ANAPC1: variants seen among roughly 807,000 people sequenced by gnomAD.
The protein encoded by ANAPC1 is anaphase promoting complex subunit 1, also known as anaphase-promoting complex subunit 1.
In ANAPC1, 36 loss-of-function variants were observed where a neutral mutation model predicts 208.0. The ratio of observed to expected loss-of-function variants is 0.17; its 90% CI spans 0.13 to 0.23. ANAPC1 has a LOEUF of 0.23. Ranked by LOEUF, ANAPC1 falls within the 10% of genes least tolerant of loss-of-function variation. The pLI is 1.00. For synonymous variants in ANAPC1, 378 were observed against 695.2 expected, an observed-to-expected ratio of 0.54 and a Z score of 7.18; for missense variants, 942 against 2,011.6, an observed-to-expected ratio of 0.47 and a Z score of 10.17.
Position 111,880,628 on chromosome 2 carries a change from G to A in ANAPC1, c.198C>T (p.Ile66=), listed in dbSNP as rs199798298. 126 of 1,611,292 alleles carry A rather than the reference G, an allele frequency of 7.8e-5. 1 individual carries two copies. In the South Asian group the frequency reaches 9.8e-4, roughly 13 times the overall value. The change falls in exon 2 of 48, where the codon ATC becomes ATT. Residue 66 remains isoleucine (I), a synonymous_variant. Transcript: ENST00000341068. ...GLVGSLQEVT[I]HEKQKESWQL... ...TCAATGGAACCTTCTGTTTCTCGTGGATTGTAACCTCCTGAAGGGATCCCA... is the reference window on the plus strand; with the variant it reads ...TCAATGGAACCTTCTGTTTCTCGTGAATTGTAACCTCCTGAAGGGATCCCA...
intron 44 of ANAPC1, chr2:111,779,049 C>T (rs1677140082): frequency 4.8e-6 from 1 of 206,204 alleles, no homozygotes; most frequent in South Asian, 8.4e-5. Flanking sequence ...CAGAGCTATG[C>T]CTTGGGTTGG....
chr2:111,866,161 G>A (rs77952462), intron 7 of ANAPC1: 101 of 231,772 alleles, frequency 4.4e-4, no homozygotes, highest in Non-Finnish European at 7.4e-4. Context: ...CCCAGATCCC[G>A]CCACTGCACT....
rs1248889428 is a variant in ANAPC1 at position 111,801,199 on chromosome 2, A to G, written c.4222-328T>C. Among the ~76,000 whole-genome samples the G allele has an allele frequency of 4.6e-5, 7 of 151,918 alleles. No individual in the cohort carries two copies. The East Asian group carries it at 1.4e-3, about 29-fold the overall frequency. On this transcript the variant is annotated intron_variant, in intron 33 of 47. Transcript: ENST00000341068. ...TGGTGAAACCCCATCTCTACTAAAA[A>G]TACAAAAATTAGCCAGGCATGGTGG...
intron 43 of ANAPC1, among the ~76,000 whole-genome samples, chr2:111,782,156 T>TTA (rs753081032): frequency 9.4e-5 from 14 of 149,468 alleles, no homozygotes; most frequent in Admixed American, 4.6e-4. Context: ...TTTTACTTTA[T>TTA]TATATATATA....
chr2:111,867,750 T>C (rs1300046893), intron 7 of ANAPC1, among the ~76,000 whole-genome samples: 3 of 151,734 alleles, frequency 2.0e-5, no homozygotes, highest in Admixed American at 1.3e-4. Flanking sequence ...CTAAGTATCA[T>C]TCATTTACTT....
At chr2:111,840,423 A>G (rs965677368) in intron 17 of ANAPC1, among the ~76,000 whole-genome samples, 3 of 152,210 alleles carry the variant, frequency 2.0e-5, no homozygotes, top group Admixed American at 1.3e-4. Context: ...GGCCTCAAGA[A>G]TTGATTTCCT....
chr2:111,823,155 G>A (rs1382644013), intron 24 of ANAPC1, among the ~76,000 whole-genome samples: 4 of 150,634 alleles, frequency 2.7e-5, no homozygotes, highest in Non-Finnish European at 3.0e-5. Flanking sequence ...GACTACAGGC[G>A]CCCGCCACCA....
At chr2:111,846,552 TATATATA>T (rs1339790192) in intron 16 of ANAPC1, among the ~76,000 whole-genome samples, 2,891 of 69,768 alleles carry the variant, frequency 0.041, 103 homozygotes, top group Non-Finnish European at 0.062. Flanking sequence ...TATATATATA[TATATATA>T]TTTTTTTTTT....
chr2:111,770,093 T>A (rs2104452788), intron 47 of ANAPC1, among the ~76,000 whole-genome samples: 1 of 134,738 alleles, frequency 7.4e-6, no homozygotes, highest in African/African-American at 2.8e-5. Context: ...CACTTCAGAT[T>A]TCAGATTAAG....
chr2:111,772,269 A>G, intron 47 of ANAPC1, 72 bp downstream of exon 47: 3 of 1,611,518 alleles, frequency 1.9e-6, no homozygotes, highest in Non-Finnish European at 2.5e-6. Context: ...AGGGGCAGTA[A>G]CTACTGAGAA....
intron 38 of ANAPC1, among the ~76,000 whole-genome samples, chr2:111,791,222 T>C (rs1163967572): frequency 6.7e-6 from 1 of 149,704 alleles, no homozygotes; most frequent in Admixed American, 6.7e-5. Context: ...CACAATGAGA[T>C]CCTGTTATAT....
intron 13 of ANAPC1, among the ~76,000 whole-genome samples, chr2:111,855,989 A>C (rs979952245): frequency 9.2e-5 from 14 of 152,242 alleles, no homozygotes; most frequent in Non-Finnish European, 1.8e-4. Flanking sequence ...TAATCCCAGC[A>C]CGTTAGGAGG....
chr2:111,847,202 G>C lies in ANAPC1; in HGVS notation c.1792-4C>G. On this transcript the variant is annotated splice_region_variant and splice_polypyrimidine_tract_variant and intron_variant, in intron 15 of 47. Transcript: ENST00000341068. ...CCATGGAGCCATTACTCAGTTCCTA[G>C]ATGGAAACAAATGAGAAAGTAGATA... 1 of 1,607,808 alleles carries C rather than the reference G, an allele frequency of 6.2e-7. No homozygotes were observed. Among genetic ancestry groups the C allele is most frequent in the Admixed American group, 1.7e-5 (1 of 59,546 alleles).
At position 111,832,937 on chromosome 2, in the gene ANAPC1, C is replaced by CAAAAAAAAAAAAAAAAAAA. The variant is rs908553180; in HGVS notation, c.2476+264_2476+282dup. On this transcript the variant is annotated intron_variant, in intron 20 of 47. Coordinates refer to ENST00000341068, the MANE Select transcript of ANAPC1 (RefSeq NM_022662.4). The stretch of plus-strand genomic sequence containing the variant: ...TGGGTGACAGAGCGAGACTCAGTCT[C>CAAAAAAAAAAAAAAAAAAA]AAAAAAAAAAAAAAAAAAAGCATCC... 2.0e-3 allele frequency among the ~76,000 whole-genome samples: 105 copies of CAAAAAAAAAAAAAAAAAAA among 53,612 alleles called. 9 individuals carry two copies. Among genetic ancestry groups the CAAAAAAAAAAAAAAAAAAA allele is most frequent in the Non-Finnish European group, 2.1e-3 (61 of 28,462 alleles). The allele number at this position is 53,612 out of a possible 152,430, so 35.2% of individuals were successfully genotyped here.
chr2:111,849,232 A>C (rs1681260261), intron 14 of ANAPC1, among the ~76,000 whole-genome samples: 1 of 152,228 alleles, frequency 6.6e-6, no homozygotes. Context: ...CAATCAGCCA[A>C]TGTGTTAAGA....
rs1202037945 is a variant in ANAPC1 at position 111,775,785 on chromosome 2, A to C, written c.5584+1074T>G. Among the ~76,000 whole-genome samples the C allele has an allele frequency of 2.0e-5, 3 of 152,194 alleles. No homozygotes were observed. The East Asian group carries it at 5.8e-4, about 29-fold the overall frequency. ...AGCAAAGGTCTGCCATAGGTGATCA[A>C]ATGTTAAATTGAATAAAAACGAAAC... is the stretch of plus-strand genomic sequence containing the variant. On this transcript the variant is annotated intron_variant, in intron 46 of 47. Coordinates refer to ENST00000341068, the MANE Select transcript of ANAPC1 (RefSeq NM_022662.4).
intron 47 of ANAPC1, among the ~76,000 whole-genome samples, chr2:111,772,040 G>A (rs1676768832): frequency 6.8e-6 from 1 of 146,430 alleles, no homozygotes; most frequent in African/African-American, 2.5e-5. Context: ...AGAAAATAAA[G>A]AAAAATAGCT....
chr2:111,861,264 TG>T (rs1199945214), intron 10 of ANAPC1, among the ~76,000 whole-genome samples: 1 of 152,154 alleles, frequency 6.6e-6, no homozygotes, highest in Admixed American at 6.5e-5. Flanking sequence ...GTAGTAGACA[TG>T]GGGTTTCACC....
chr2:111,849,919 A>C (rs1211712127), intron 14 of ANAPC1, among the ~76,000 whole-genome samples: 1 of 151,290 alleles, frequency 6.6e-6, no homozygotes, highest in African/African-American at 2.4e-5. Flanking sequence ...CCACCTTTTT[A>C]TCCTTTCTGC....
Sources: gnomAD v4.1 joint callset for allele counts (sites outside exome capture counted in the v4.1 genomes callset) on GRCh38, gnomAD v4.1.1 for gene constraint, MANE v1.5 for transcripts, NCBI Gene and HGNC (gene_info 2026-07-23, HGNC 2026-07-21) for gene names.